Variants in NPTXR observed in about 807,000 individuals in gnomAD.
NPTXR encodes neuronal pentraxin receptor.
Under a neutral mutation model 32.2 loss-of-function variants are expected in NPTXR, and 12 were observed. The observed-to-expected ratio is 0.37, with a 90% CI of 0.24 to 0.60. NPTXR has a LOEUF of 0.60. Ranked by LOEUF, NPTXR falls within the 20% of genes least tolerant of loss-of-function variation. The pLI is 0.66. For synonymous variants in NPTXR, 323 were observed against 315.8 expected (o/e 1.02, Z -0.24); for missense variants, 612 against 682.9 (o/e 0.90, Z 1.16).
chr22:38,822,502 TG>T lies in NPTXR; in HGVS notation c.*106del. On this transcript the variant is annotated 3_prime_UTR_variant, in exon 5 of 5. Transcript: ENST00000333039. ...GGGAAATGGGAGGCACAGCCAGGAG[TG>T]GGGCAGGAGGGAAGGCCAGTGCGTG... 1 of 927,816 alleles carries T rather than the reference TG, an allele frequency of 1.1e-6. No homozygotes were observed. Among genetic ancestry groups the T allele is most frequent in the Non-Finnish European group, 1.7e-6 (1 of 600,490 alleles). The allele number at this position is 927,816 out of a possible 1,614,324, so 57.5% of individuals were successfully genotyped here.
intron 1 of NPTXR, among the ~76,000 whole-genome samples, chr22:38,830,191 C>T (rs1448508664): frequency 2.0e-5 from 3 of 152,162 alleles, no homozygotes; most frequent in African/African-American, 7.2e-5. Context: ...GCCACTGCCC[C>T]GTGAGAGTAG....
chr22:38,833,046 GC>G (rs2093118788), intron 1 of NPTXR, among the ~76,000 whole-genome samples: 1 of 151,784 alleles, frequency 6.6e-6, no homozygotes, highest in African/African-American at 2.4e-5. Context: ...GGAGCAGAAG[GC>G]AGGTGCAGGA....
chr22:38,838,192 C>T (rs1317860017), intron 1 of NPTXR, among the ~76,000 whole-genome samples: 11 of 151,988 alleles, frequency 7.2e-5, no homozygotes, highest in Admixed American at 6.6e-4. Flanking sequence ...AAGCATGTTT[C>T]GGGCGTATCT....
Position 38,822,565 on chromosome 22 carries a change from C to T in NPTXR, c.*44G>A, listed in dbSNP as rs2093099470. ...GAGGGAATATGACCCCCCTCAAGTC[C>T]CCAAAGTGGCAGGCAAGGGAGGGGC... On this transcript the variant is annotated 3_prime_UTR_variant, in exon 5 of 5. Transcript: ENST00000333039. 1.3e-6 allele frequency: 2 copies of T among 1,560,364 alleles called. No individual in the cohort carries two copies. The highest frequency in any genetic ancestry group is 4.6e-5 in the East Asian group (2 of 43,114).
At chr22:38,837,580 A>C (rs919959555) in intron 1 of NPTXR, among the ~76,000 whole-genome samples, 4 of 152,194 alleles carry the variant, frequency 2.6e-5, no homozygotes, top group African/African-American at 9.7e-5. Context: ...TAGTTCTGGG[A>C]GTGGGTGGAA....
chr22:38,838,800 C>T (rs2093128143), intron 1 of NPTXR, among the ~76,000 whole-genome samples: 2 of 151,906 alleles, frequency 1.3e-5, no homozygotes, highest in Admixed American at 6.5e-5. Context: ...CCAGGATGGT[C>T]TCGATCTCCT....
In NPTXR at chr22:38,822,658, C is replaced by T. The variant is rs2093099781; in HGVS notation, c.1454G>A (p.Gly485Asp). Residue 485 changes from glycine (G) to aspartate (D), a missense_variant, in exon 5 of 5, where the codon GGT (glycine) becomes GAT (aspartate). Gly to Asp is a moderately conservative substitution (Grantham distance 94, BLOSUM62 -1). Transcript: ENST00000333039. ...GACATCGAAGGCAGCCTTTGTTGCA[C>T]CCCCAAAGGCCTCCACCAACTTGTC... The T allele has an allele frequency of 2.5e-6, 4 of 1,613,960 alleles. No individual in the cohort carries two copies. Among genetic ancestry groups the T allele is most frequent in the Non-Finnish European group, 3.4e-6 (4 of 1,179,940 alleles).
intron 1 of NPTXR, among the ~76,000 whole-genome samples, chr22:38,830,927 G>A (rs978646979): frequency 2.0e-5 from 3 of 152,164 alleles, no homozygotes; most frequent in Non-Finnish European, 2.9e-5. Context: ...TCCCAGCCAC[G>A]CAGATGCCTA....
intron 1 of NPTXR, among the ~76,000 whole-genome samples, chr22:38,830,861 G>C (rs1006393843): frequency 6.6e-6 from 1 of 152,088 alleles, no homozygotes; most frequent in Non-Finnish European, 1.5e-5. Flanking sequence ...CGGGAGAGGG[G>C]GGACTCTGGC....
In NPTXR at chr22:38,843,771, C is replaced by T; in HGVS notation, c.88G>A (p.Ala30Thr). Residue 30 changes from alanine (A) to threonine (T), a missense_variant, in exon 1 of 5, where the codon GCC (alanine) becomes ACC (threonine). By Grantham distance (58) the Ala-to-Thr change is moderately conservative. Transcript: ENST00000333039. This position sits in a 1 kb window ranked among gnomAD's most constrained non-coding sequence, Gnocchi z 5.3. ...CCGGGCAGCGCCCGCGCCGGGCTGGCCGCCAGGGGCACGCTGGCGATGATG... is the reference window on the plus strand; with the variant it reads ...CCGGGCAGCGCCCGCGCCGGGCTGGTCGCCAGGGGCACGCTGGCGATGATG... The T allele has an allele frequency of 1.0e-6, 1 of 998,348 alleles. No individual in the cohort carries two copies. Among genetic ancestry groups the T allele is most frequent in the Non-Finnish European group, 1.2e-6 (1 of 840,116 alleles). The allele number at this position is 998,348 out of a possible 1,614,324, so 61.8% of individuals were successfully genotyped here.
chr22:38,824,888 C>G (rs941300236), intron 3 of NPTXR, among the ~76,000 whole-genome samples: 2 of 152,190 alleles, frequency 1.3e-5, no homozygotes, highest in Non-Finnish European at 2.9e-5. Context: ...CTCCTCCTCC[C>G]CCTCCAGAAT....
Position 38,822,803 on chromosome 22 carries a change from G to C in NPTXR, c.1309C>G (p.Gln437Glu). Residue 437 changes from glutamine (Q) to glutamate (E), a missense_variant, in exon 5 of 5, where the codon CAG becomes GAG. Transcript: ENST00000333039. The stretch of plus-strand genomic sequence containing the variant: ...TGGGCAATGTCACCGACAAAGGCCT[G>C]GGTGGCATCAAACCGGCCACCCAGG... 6.2e-7 allele frequency: 1 copy of C among 1,614,088 alleles called. No individual in the cohort carries two copies. The highest frequency in any genetic ancestry group is 8.5e-7 in the Non-Finnish European group (1 of 1,179,986).
In NPTXR at chr22:38,834,638, A is replaced by ATCCT. The variant is rs2093121378; in HGVS notation, c.625-6127_625-6126insAGGA. ...CATCCATCCATCCATCCATCCATCC[A>ATCCT]TGTGTGCCGCAGCAACATGGCGTCG... On this transcript the variant is annotated intron_variant, in intron 1 of 4. Transcript: ENST00000333039. This position sits in a 1 kb window ranked among gnomAD's most constrained non-coding sequence, Gnocchi z 4.4. 6.6e-6 allele frequency among the ~76,000 whole-genome samples: 1 copy of ATCCT among 150,758 alleles called. No homozygotes were observed. Among genetic ancestry groups the ATCCT allele is most frequent in the Non-Finnish European group, 1.5e-5 (1 of 67,850 alleles).
intron 1 of NPTXR, among the ~76,000 whole-genome samples, chr22:38,838,796 T>C (rs1460084679): frequency 2.0e-5 from 3 of 152,046 alleles, no homozygotes; most frequent in Admixed American, 6.5e-5. Context: ...TTAGCCAGGA[T>C]GGTCTCGATC....
At chr22:38,828,783 C>T (rs186070037) in intron 1 of NPTXR, among the ~76,000 whole-genome samples, 84 of 152,314 alleles carry the variant, frequency 5.5e-4, no homozygotes, top group Middle Eastern at 6.8e-3. Context: ...GGGTGTGGGG[C>T]GTGGCCATGA....
Position 38,834,765 on chromosome 22 carries a change from C to T in NPTXR, c.625-6253G>A, listed in dbSNP as rs902674437. 3.9e-5 allele frequency among the ~76,000 whole-genome samples: 6 copies of T among 151,902 alleles called. No individual in the cohort carries two copies. Among genetic ancestry groups the T allele is most frequent in the African/African-American group, 1.5e-4 (6 of 41,322 alleles). ...GGGCAAGCTGCTTAACTCCTCTGGC[C>T]CTCAGTTACCTTATCTGTAAAATGG... On this transcript the variant is annotated intron_variant, in intron 1 of 4. Coordinates refer to ENST00000333039, the MANE Select transcript of NPTXR (RefSeq NM_014293.4). This position sits in a 1 kb window ranked among gnomAD's most constrained non-coding sequence, Gnocchi z 4.4.
Position 38,822,287 on chromosome 22 carries a change from TG to T in NPTXR, c.*321del. The T allele has an allele frequency of 3.0e-6, 1 of 338,746 alleles. No homozygotes were observed. Among genetic ancestry groups the T allele is most frequent in the Non-Finnish European group, 5.4e-6 (1 of 184,848 alleles). The allele number at this position is 338,746 out of a possible 1,614,324, so 21.0% of individuals were successfully genotyped here. ...CCCCTCATACACAATCCTACCCTAC[TG>T]GGGGTGCTGTCAAAATTAGTGAAAT... On this transcript the variant is annotated 3_prime_UTR_variant, in exon 5 of 5. Transcript: ENST00000333039.
At chr22:38,838,671 T>C (rs2093127775) in intron 1 of NPTXR, among the ~76,000 whole-genome samples, 1 of 145,096 alleles carries the variant, frequency 6.9e-6, no homozygotes, top group Non-Finnish European at 1.5e-5. Flanking sequence ...AAGCTCCGCG[T>C]CCCGGGTTCA....
At chr22:38,829,974 G>A (rs916789512) in intron 1 of NPTXR, among the ~76,000 whole-genome samples, 15 of 152,202 alleles carry the variant, frequency 9.9e-5, no homozygotes, top group East Asian at 3.8e-4. Flanking sequence ...ACTGAGGGCC[G>A]CGTGTTCCTT....
Sources: allele counts gnomAD v4.1 joint callset (sites outside exome capture counted in the v4.1 genomes callset), GRCh38; gene constraint gnomAD v4.1.1; non-coding constraint Gnocchi (gnomAD v3.1); transcripts MANE v1.5; gene names NCBI Gene and HGNC (gene_info 2026-07-23, HGNC 2026-07-21).